The following GSN variants were observed in gnomAD, a reference collection of about 807,000 sequenced individuals.
GSN encodes gelsolin.
Under a neutral mutation model 85.7 loss-of-function variants are expected in GSN, and 56 were observed. The observed-to-expected ratio is 0.65, with a 90% CI of 0.53 to 0.82. The LOEUF (loss-of-function observed/expected upper bound fraction) is 0.82. GSN is among the 40% of genes least tolerant of loss of function. The probability of loss-of-function intolerance (pLI) is 0.00; values close to 1 mark genes in which losing one functional copy is unlikely to be tolerated. For synonymous variants in GSN, 373 were observed against 399.1 expected (o/e 0.93, Z 0.78); for missense variants, 857 against 979.8 (o/e 0.87, Z 1.67).
At chr9:121,294,770 C>T (rs2133003433) in intron 2 of GSN, among the ~76,000 whole-genome samples, 1 of 152,348 alleles carries the variant, frequency 6.6e-6, no homozygotes, top group South Asian at 2.1e-4. Context: ...TAGATCTACT[C>T]TGCCAGGCAC....
At chr9:121,251,516 A>G (rs977068279) in intron 6 of GSN, among the ~76,000 whole-genome samples, 5 of 151,772 alleles carry the variant, frequency 3.3e-5, no homozygotes, top group Admixed American at 2.0e-4. Flanking sequence ...TTTTTAAACA[A>G]CTCATTTGCA....
chr9:121,310,094 A>G (rs2060918185), intron 4 of GSN: 1 of 152,790 alleles, frequency 6.5e-6, no homozygotes. Flanking sequence ...AGAAAGAGGG[A>G]AAGAAAGAAA....
intron 5 of GSN, chr9:121,311,687 A>G (rs1486796550): frequency 6.6e-6 from 1 of 152,538 alleles, no homozygotes; most frequent in Non-Finnish European, 1.5e-5. Context: ...CTGTTTCTGA[A>G]CTTTATAGAC....
chr9:121,321,301 G>T lies in GSN; in HGVS notation c.1225G>T (p.Val409Leu), dbSNP rs140042418. The T allele has an allele frequency of 6.2e-7, 1 of 1,613,838 alleles. No individual in the cohort carries two copies. The highest frequency in any genetic ancestry group is 1.1e-5 in the South Asian group (1 of 91,078). The change falls in exon 11 of 18, where the codon GTG becomes TTG. Residue 409 changes from valine (V) to leucine (L), a missense_variant. Val to Leu is a conservative substitution (Grantham distance 32, BLOSUM62 1). Transcript: ENST00000432226. The part of the protein sequence containing the change: ...WRIEGSNKVP[V>L]DPATYGQFYG... ...AATCGAAGGTTCCAACAAGGTGCCCGTGGACCCTGCCACATATGGACAGTT... is the reference window on the plus strand; with the variant it reads ...AATCGAAGGTTCCAACAAGGTGCCCTTGGACCCTGCCACATATGGACAGTT...
At chr9:121,328,708 T>G (rs2063530208) in intron 14 of GSN, 183 bp from the exon 15 acceptor site, 13 of 670,308 alleles carry the variant, frequency 1.9e-5, no homozygotes, top group Non-Finnish European at 3.4e-5. Flanking sequence ...TCTCTGGGCC[T>G]CTATTTCGTC....
At position 121,317,147 on chromosome 9, in the gene GSN, A is replaced by AG. The variant is rs2061809345; in HGVS notation, c.820dup (p.Ala274GlyfsTer40). On this transcript the variant is annotated frameshift_variant, in exon 8 of 18. Transcript: ENST00000432226. LOFTEE classifies it high-confidence loss of function. The stretch of plus-strand genomic sequence containing the variant: ...GTGGCTGATGAGAACCCCTTCGCCC[A>AG]GGGGGCCCTGAAGTCAGAGGACTGC... 1 of 1,614,016 alleles carries AG rather than the reference A, an allele frequency of 6.2e-7. No individual in the cohort carries two copies. Among genetic ancestry groups the AG allele is most frequent in the Non-Finnish European group, 8.5e-7 (1 of 1,179,990 alleles).
intron 2 of GSN, among the ~76,000 whole-genome samples, chr9:121,294,229 G>T (rs1488302019): frequency 6.6e-6 from 1 of 152,190 alleles, no homozygotes; most frequent in Admixed American, 6.5e-5. Flanking sequence ...CACGGTCCCA[G>T]CATCTGCAGC....
In GSN at chr9:121,329,455, G is replaced by A; in HGVS notation, c.1965+140G>A. On this transcript the variant is annotated intron_variant, in intron 16 of 17. Transcript: ENST00000432226. This position sits in a 1 kb window ranked among gnomAD's most constrained non-coding sequence, Gnocchi z 4.6. ...AGAAAAGTCTCTAAGGGTACTGGAAGTCACTTCTTCTTTCTGAGCTTCCAT... is the reference window on the plus strand; with the variant it reads ...AGAAAAGTCTCTAAGGGTACTGGAAATCACTTCTTCTTTCTGAGCTTCCAT... The A allele has an allele frequency of 1.4e-6, 1 of 696,690 alleles. No individual in the cohort carries two copies. Among genetic ancestry groups the A allele is most frequent in the South Asian group, 1.5e-5 (1 of 67,210 alleles). 43.2% of individuals were successfully genotyped at this position (696,690 alleles called of 1,614,324 possible). A position where few individuals can be genotyped will look rare whatever the true frequency, so the allele number is the denominator to read the frequency against.
chr9:121,285,609 G>A (rs890282857), intron 2 of GSN: 1 of 155,562 alleles, frequency 6.4e-6, no homozygotes, highest in East Asian at 1.9e-4. Flanking sequence ...GAGGAATCTG[G>A]GGCCCAGAGA....
rs1281030917 is a variant in GSN, at chr9:121,299,496, T to G, written c.-9-2467T>G. On this transcript the variant is annotated intron_variant, in intron 2 of 17. Coordinates refer to ENST00000432226, the MANE Select transcript of GSN (RefSeq NM_198252.3). The surrounding 1 kb of genome is among the most constrained non-coding windows in gnomAD (Gnocchi z 4.2). Reference sequence around the variant, plus strand: ...TGAAAAGCTTTCAAAAATTGTTAGTTCATGTTATTTTTTTGCTGGAGGTGT... The same window carrying G: ...TGAAAAGCTTTCAAAAATTGTTAGTGCATGTTATTTTTTTGCTGGAGGTGT... 1.0e-6 allele frequency: 1 copy of G among 983,716 alleles called. No individual in the cohort carries two copies. The highest frequency in any genetic ancestry group is 6.1e-5 in the Admixed American group (1 of 16,270). The allele number at this position is 983,716 out of a possible 1,614,324, so 60.9% of individuals were successfully genotyped here.
intron 1 of GSN, among the ~76,000 whole-genome samples, chr9:121,270,229 A>C (rs957469941): frequency 5.9e-5 from 9 of 152,226 alleles, no homozygotes; most frequent in Admixed American, 5.9e-4. Flanking sequence ...TTGAGAATCT[A>C]AATGAAAATG....
At chr9:121,325,843 G>A (rs1414241202) in intron 12 of GSN, among the ~76,000 whole-genome samples, 6 of 152,096 alleles carry the variant, frequency 3.9e-5, no homozygotes, top group African/African-American at 9.7e-5. Context: ...GTTGAGACAC[G>A]TGCCCAAGTT....
chr9:121,236,381 G>C (rs1275301455), intron 5 of GSN, among the ~76,000 whole-genome samples: 1 of 151,772 alleles, frequency 6.6e-6, no homozygotes, highest in South Asian at 2.1e-4. Flanking sequence ...TACCACGGCC[G>C]GCAAATTTTT....
At chr9:121,290,381 C>G (rs2058571474) in intron 2 of GSN, among the ~76,000 whole-genome samples, 1 of 152,076 alleles carries the variant, frequency 6.6e-6, no homozygotes, top group African/African-American at 2.4e-5. Context: ...AGTACTATAC[C>G]TCTGTTTGGG....
chr9:121,246,345 G>C (rs796666084), intron 5 of GSN, among the ~76,000 whole-genome samples: 7 of 152,266 alleles, frequency 4.6e-5, no homozygotes, highest in African/African-American at 1.4e-4. Context: ...TTGTGAGAAT[G>C]AAAGAGCAAG....
At chr9:121,327,624 G>A in intron 14 of GSN, 142 bp downstream of exon 14, 1 of 717,728 alleles carries the variant, frequency 1.4e-6, no homozygotes, top group East Asian at 2.7e-5. Flanking sequence ...AATAAAAGCA[G>A]TTGCATTAAA....
chr9:121,254,579 G>T (rs2054910321), intron 6 of GSN, among the ~76,000 whole-genome samples: 1 of 152,016 alleles, frequency 6.6e-6, no homozygotes, highest in Non-Finnish European at 1.5e-5. Flanking sequence ...CCAGGCTCTG[G>T]TCTTTGGCTT....
At chr9:121,207,104 A>C (rs940832793), upstream of GSN, among the ~76,000 whole-genome samples, 3 of 152,348 alleles carry the variant, frequency 2.0e-5, no homozygotes, top group African/African-American at 7.2e-5. Flanking sequence ...TTGTACATTT[A>C]GTTGAAATAA....
At chr9:121,282,048 C>G (rs1470496805) in intron 2 of GSN, 4 of 475,318 alleles carry the variant, frequency 8.4e-6, no homozygotes, top group Non-Finnish European at 1.7e-5. Context: ...GCGGATGAGT[C>G]ATGCCCGCTG....
Sources: allele counts gnomAD v4.1 joint callset (sites outside exome capture counted in the v4.1 genomes callset), GRCh38; gene constraint gnomAD v4.1.1; non-coding constraint Gnocchi (gnomAD v3.1); transcripts MANE v1.5; gene names NCBI Gene and HGNC (gene_info 2026-07-23, HGNC 2026-07-21).